KCNK9: variants seen among roughly 807,000 people sequenced by gnomAD.
KCNK9 encodes the protein potassium two pore domain channel subfamily K member 9.
A neutral mutation model predicts 10.8 loss-of-function variants in KCNK9; 1 was observed. The ratio of observed to expected loss-of-function variants is 0.09; its 90% CI spans 0.03 to 0.44. The LOEUF (loss-of-function observed/expected upper bound fraction) is 0.44. Among genes scored for constraint, KCNK9 ranks in the 20% least tolerant of loss-of-function variants. KCNK9 has a pLI of 0.97. For synonymous variants in KCNK9, 231 were observed against 222.7 expected (o/e 1.04, Z -0.33); for missense variants, 303 against 515.0 (o/e 0.59, Z 3.98).
At chr8:139,671,885 T>C (rs1222774212) in intron 1 of KCNK9, among the ~76,000 whole-genome samples, 1 of 152,200 alleles carries the variant, frequency 6.6e-6, no homozygotes, top group East Asian at 1.9e-4. Context: ...TAAGTATTTA[T>C]TCAAGGCTCC....
chr8:139,658,234 A>T (rs527311277), intron 1 of KCNK9, among the ~76,000 whole-genome samples: 1 of 152,186 alleles, frequency 6.6e-6, no homozygotes, highest in African/African-American at 2.4e-5. Context: ...ACAGGCCTGA[A>T]GGGCTGAGAG....
chr8:139,628,209 G>A (rs746805040), intron 1 of KCNK9, among the ~76,000 whole-genome samples: 1 of 152,278 alleles, frequency 6.6e-6, no homozygotes, highest in East Asian at 1.9e-4. Flanking sequence ...CAACATACAC[G>A]GCTCTCCATC....
intron 1 of KCNK9, among the ~76,000 whole-genome samples, chr8:139,687,945 C>A (rs1816857026): frequency 6.6e-6 from 1 of 152,028 alleles, no homozygotes; most frequent in African/African-American, 2.4e-5. Context: ...TTTATACATG[C>A]ATCATTATCT....
intron 1 of KCNK9, among the ~76,000 whole-genome samples, chr8:139,689,180 G>C (rs554611934): frequency 3.3e-5 from 5 of 152,134 alleles, no homozygotes; most frequent in Non-Finnish European, 7.3e-5. Flanking sequence ...TGGACTTCAG[G>C]CATGAAGAAC....
At chr8:139,700,522 A>ACG (rs1817187785) in intron 1 of KCNK9, among the ~76,000 whole-genome samples, 3 of 115,434 alleles carry the variant, frequency 2.6e-5, no homozygotes, top group East Asian at 3.1e-4. Context: ...GCGCGCGCGC[A>ACG]CACACACACA....
downstream of KCNK9, chr8:139,612,503 C>T (rs768178896): frequency 6.6e-6 from 1 of 152,120 alleles, no homozygotes; most frequent in Non-Finnish European, 1.5e-5. Flanking sequence ...CTCTGGGCTT[C>T]CTGTCTATGT....
At chr8:139,689,009 G>A (rs538824624) in intron 1 of KCNK9, among the ~76,000 whole-genome samples, 11 of 152,212 alleles carry the variant, frequency 7.2e-5, no homozygotes, top group South Asian at 2.1e-4. Context: ...GAGGCCCCTC[G>A]TGTGAGCCCT....
In KCNK9 at chr8:139,663,768, G is replaced by A. The variant is rs76594686; in HGVS notation, c.283+38942C>T. On this transcript the variant is annotated intron_variant, in intron 1 of 1. Coordinates refer to ENST00000520439, the MANE Select transcript of KCNK9 (RefSeq NM_001282534.2). ...TCGCTGCAACCGCCTGAGAGACCTC[G>A]AGGAAGCACTGCCTGCCTGAGCCCA... is the stretch of plus-strand genomic sequence containing the variant. Among the ~76,000 whole-genome samples, 466 of 152,138 alleles carry A rather than the reference G, an allele frequency of 3.1e-3. 1 individual carries two copies. Among genetic ancestry groups the A allele is most frequent in the African/African-American group, 0.011 (443 of 41,496 alleles).
At chr8:139,648,077 A>G (rs1815745489) in intron 1 of KCNK9, among the ~76,000 whole-genome samples, 2 of 152,206 alleles carry the variant, frequency 1.3e-5, no homozygotes, top group Admixed American at 6.5e-5. Flanking sequence ...ATGCAATATC[A>G]TGTGATCATA....
At chr8:139,695,207 A>T (rs964580226) in intron 1 of KCNK9, among the ~76,000 whole-genome samples, 2 of 152,242 alleles carry the variant, frequency 1.3e-5, no homozygotes, top group African/African-American at 4.8e-5. Context: ...TGTGCTCAAA[A>T]CAAGTTAATG....
At chr8:139,692,778 C>T (rs555760065) in intron 1 of KCNK9, among the ~76,000 whole-genome samples, 1 of 152,204 alleles carries the variant, frequency 6.6e-6, no homozygotes, top group Non-Finnish European at 1.5e-5. Context: ...AGCTCCCCCC[C>T]ACGTCCAACT....
chr8:139,654,071 A>G (rs1184561944), intron 1 of KCNK9, among the ~76,000 whole-genome samples: 1 of 152,222 alleles, frequency 6.6e-6, no homozygotes, highest in Non-Finnish European at 1.5e-5. Context: ...GGGCCTTGTC[A>G]AGTCAATTGC....
intron 1 of KCNK9, among the ~76,000 whole-genome samples, chr8:139,646,547 G>A (rs1157270362): frequency 6.6e-6 from 1 of 152,234 alleles, no homozygotes; most frequent in African/African-American, 2.4e-5. Flanking sequence ...TAATGACCCA[G>A]AAGCAGTCTC....
At chr8:139,650,463 G>T (rs1815828972) in intron 1 of KCNK9, among the ~76,000 whole-genome samples, 1 of 151,758 alleles carries the variant, frequency 6.6e-6, no homozygotes, top group African/African-American at 2.4e-5. Context: ...GGGGGCAGGA[G>T]CTGAGCAGAA....
chr8:139,632,298 TTG>T (rs922684652), intron 1 of KCNK9, among the ~76,000 whole-genome samples: 1 of 152,210 alleles, frequency 6.6e-6, no homozygotes, highest in African/African-American at 2.4e-5. Context: ...GCCCCAGGCC[TTG>T]TTCACAGCAT....
In KCNK9 at chr8:139,623,396, T is replaced by G. The variant is rs1814857923; in HGVS notation, c.284-4297A>C. Among the ~76,000 whole-genome samples, 7 of 152,208 alleles carry G rather than the reference T, an allele frequency of 4.6e-5. No homozygotes were observed. The South Asian group carries it at 1.2e-3, about 27-fold the overall frequency. ...TTGACTGTGCCCTGGGACCTGCTCTTGGCACAGGGGATTCCACAAACACTT... is the reference window on the plus strand; with the variant it reads ...TTGACTGTGCCCTGGGACCTGCTCTGGGCACAGGGGATTCCACAAACACTT... On this transcript the variant is annotated intron_variant, in intron 1 of 1. Transcript: ENST00000520439.
intron 1 of KCNK9, among the ~76,000 whole-genome samples, chr8:139,679,222 T>G (rs1444305783): frequency 6.6e-6 from 1 of 152,140 alleles, no homozygotes; most frequent in Non-Finnish European, 1.5e-5. Context: ...TGATGCCAGG[T>G]GGGTTCCCGG....
chr8:139,650,923 G>A (rs1009090418), intron 1 of KCNK9, among the ~76,000 whole-genome samples: 15 of 152,136 alleles, frequency 9.9e-5, no homozygotes, highest in Admixed American at 1.3e-4. Context: ...GAATGTGCCC[G>A]GGTGGCCTTC....
chr8:139,696,441 G>A (rs910820613), intron 1 of KCNK9, among the ~76,000 whole-genome samples: 16 of 152,190 alleles, frequency 1.1e-4, no homozygotes, highest in Non-Finnish European at 1.2e-4. Flanking sequence ...GAAGGAGATG[G>A]GTCTAGAACA....
Sources: allele counts gnomAD v4.1 joint callset (sites outside exome capture counted in the v4.1 genomes callset), GRCh38; gene constraint gnomAD v4.1.1; transcripts MANE v1.5; gene names NCBI Gene and HGNC (gene_info 2026-07-23, HGNC 2026-07-21).